The following ZNF682 variants were observed in gnomAD, a reference collection of about 807,000 sequenced individuals.
ZNF682 encodes the protein zinc finger protein 682.
A neutral mutation model predicts 36.5 loss-of-function variants in ZNF682; 29 were observed. The observed-to-expected ratio is 0.80, with a 90% CI of 0.59 to 1.08. The LOEUF (loss-of-function observed/expected upper bound fraction) is 1.08. ZNF682 is among the 50% of genes least tolerant of loss of function. The probability of loss-of-function intolerance (pLI) is 0.00; values close to 1 mark genes in which losing one functional copy is unlikely to be tolerated. For synonymous variants in ZNF682, 180 were observed against 197.0 expected (o/e 0.91, Z 0.72); for missense variants, 561 against 579.7 (o/e 0.97, Z 0.33).
At chr19:20,014,614 CA>C (rs55756913) in intron 3 of ZNF682, among the ~76,000 whole-genome samples, 61,065 of 140,128 alleles carry the variant, frequency 0.44, 14,955 homozygotes, top group Non-Finnish European at 0.57. Context: ...TACTAGAATA[CA>C]AAAAAAAAAA....
downstream of ZNF682, among the ~76,000 whole-genome samples, chr19:20,003,840 T>C (rs548852511): frequency 2.6e-5 from 4 of 151,900 alleles, no homozygotes; most frequent in Admixed American, 1.3e-4. Context: ...ATGGGAAAAA[T>C]AGATTTGCTT....
chr19:20,038,146 T>C (rs542459972), intron 1 of ZNF682, among the ~76,000 whole-genome samples: 12 of 152,016 alleles, frequency 7.9e-5, no homozygotes, highest in Non-Finnish European at 1.3e-4. Context: ...CCCAAAAACA[T>C]TCTGATAAGG....
At chr19:20,002,455 T>G (rs528033230), downstream of ZNF682, among the ~76,000 whole-genome samples, 15 of 152,310 alleles carry the variant, frequency 9.8e-5, no homozygotes, top group Non-Finnish European at 1.9e-4. Context: ...TTTGGAAGGC[T>G]GTGGTTAGGC....
Position 20,039,455 on chromosome 19 carries a change from T to C in ZNF682, c.-110A>G. On this transcript the variant is annotated 5_prime_UTR_variant, in exon 1 of 4. Coordinates refer to ENST00000397165, the MANE Select transcript of ZNF682 (RefSeq NM_033196.3). ...CACCGGGAACTACTAGAGCAGAGGA[T>C]ACTAAGCAATGAAGATGGACCCTGA... 2 of 1,455,018 alleles carry C rather than the reference T, an allele frequency of 1.4e-6. No individual in the cohort carries two copies. Among genetic ancestry groups the C allele is most frequent in the African/African-American group, 1.4e-5 (1 of 71,966 alleles). 90.1% of individuals were successfully genotyped at this position (1,455,018 alleles called of 1,614,324 possible).
intron 1 of ZNF682, among the ~76,000 whole-genome samples, chr19:20,028,743 C>T (rs1047610851): frequency 3.9e-5 from 6 of 152,220 alleles, no homozygotes; most frequent in Non-Finnish European, 8.8e-5. Context: ...TTTCCAGAGG[C>T]AGCTCATGTC....
Position 20,022,999 on chromosome 19 carries a change from C to A in ZNF682, c.226+5G>T. On this transcript the variant is annotated splice_donor_5th_base_variant and intron_variant, in intron 3 of 3. Transcript: ENST00000397165. ...TGTGGCATGTGTTTCATTCATCCAACCTACCTGGGGGTTTGGCTATGGTCT... is the reference window on the plus strand; with the variant it reads ...TGTGGCATGTGTTTCATTCATCCAAACTACCTGGGGGTTTGGCTATGGTCT... 6.2e-7 allele frequency: 1 copy of A among 1,612,398 alleles called. No individual in the cohort carries two copies.
intron 3 of ZNF682, chr19:19,997,314 C>G (rs886183527): frequency 7.5e-6 from 3 of 398,502 alleles, no homozygotes; most frequent in Non-Finnish European, 1.3e-5. Context: ...TAGACAATGG[C>G]TACAGCAAAG....
Position 20,007,257 on chromosome 19 carries a change from G to T in ZNF682, c.245C>A (p.Thr82Asn). Residue 82 changes from threonine to asparagine, a missense_variant, in exon 4 of 4, where the codon ACT (threonine) becomes AAT (asparagine). Transcript: ENST00000397165. ...GCACTGTTCTGGCAAAAGGTCTTCA[G>T]TGTAATGAGAAGACATAGCTGAAAT... ...AKPPAMSSHY[T>N]EDLLPEQCMQ... is the part of the protein sequence containing the mutation. 1 of 1,607,810 alleles carries T rather than the reference G, an allele frequency of 6.2e-7. No individual in the cohort carries two copies. The highest frequency in any genetic ancestry group is 8.5e-7 in the Non-Finnish European group (1 of 1,177,796).
downstream of ZNF682, among the ~76,000 whole-genome samples, chr19:20,002,465 C>G (rs1190895616): frequency 6.6e-6 from 1 of 152,170 alleles, no homozygotes; most frequent in Non-Finnish European, 1.5e-5. Context: ...TGTGGTTAGG[C>G]TCCATTCACT....
chr19:20,003,053 T>C (rs1445822502), downstream of ZNF682, among the ~76,000 whole-genome samples: 3 of 150,678 alleles, frequency 2.0e-5, no homozygotes, highest in East Asian at 2.0e-4. Flanking sequence ...GAGCCGGGCG[T>C]GGTGGTGGGC....
At chr19:20,033,201 A>T (rs1017717365) in intron 1 of ZNF682, among the ~76,000 whole-genome samples, 3 of 150,634 alleles carry the variant, frequency 2.0e-5, no homozygotes, top group Non-Finnish European at 4.4e-5. Context: ...TGAACCTGGG[A>T]GGTGGAGGTT....
intron 1 of ZNF682, among the ~76,000 whole-genome samples, chr19:20,034,685 A>C (rs2088511502): frequency 6.6e-6 from 1 of 151,936 alleles, no homozygotes; most frequent in African/African-American, 2.4e-5. Context: ...AGGCAGGAGA[A>C]TCACTTGAAC....
At chr19:20,026,025 A>G (rs2122369804) in intron 1 of ZNF682, among the ~76,000 whole-genome samples, 1 of 152,252 alleles carries the variant, frequency 6.6e-6, no homozygotes, top group African/African-American at 2.4e-5. Flanking sequence ...GTTTCTGGCC[A>G]GGTGCTGTGG....
rs1002512013 is a variant in ZNF682, at chr19:20,006,125, G to A, written c.1377C>T (p.Gly459=). ...AVKRYKCEEC[G]KAFKRCSHLN... ...GATGTGAGCACCGTTTAAAAGCTTT[G>A]CCACATTCTTCACATTTATAGCGTT... Residue 459 remains glycine, a synonymous_variant, in exon 4 of 4, where the codon GGC becomes GGT. Transcript: ENST00000397165. The A allele has an allele frequency of 1.6e-5, 26 of 1,613,390 alleles. No individual in the cohort carries two copies. Among genetic ancestry groups the A allele is most frequent in the Non-Finnish European group, 2.0e-5 (24 of 1,179,596 alleles).
At chr19:20,021,213 G>A (rs2088380813) in intron 3 of ZNF682, among the ~76,000 whole-genome samples, 1 of 152,244 alleles carries the variant, frequency 6.6e-6, no homozygotes, top group African/African-American at 2.4e-5. Context: ...CAGGACATGA[G>A]TTGGACAAAC....
chr19:20,025,202 C>T (rs2088420382), intron 1 of ZNF682, among the ~76,000 whole-genome samples: 1 of 152,114 alleles, frequency 6.6e-6, no homozygotes, highest in African/African-American at 2.4e-5. Flanking sequence ...CCTTCATTTT[C>T]CAAAGCAAGC....
intron 1 of ZNF682, among the ~76,000 whole-genome samples, chr19:20,027,755 A>T (rs1275135683): frequency 6.9e-6 from 1 of 144,354 alleles, no homozygotes; most frequent in Non-Finnish European, 1.5e-5. Flanking sequence ...GCGAAACTCC[A>T]TCTAAAAAAA....
downstream of ZNF682, among the ~76,000 whole-genome samples, chr19:19,995,485 C>T (rs1018239286): frequency 6.6e-6 from 1 of 152,124 alleles, no homozygotes; most frequent in African/African-American, 2.4e-5. Context: ...AAAAGGTCAA[C>T]TTGTTTTTGT....
At chr19:20,022,331 A>C (rs1205722448) in intron 3 of ZNF682, among the ~76,000 whole-genome samples, 5 of 118,732 alleles carry the variant, frequency 4.2e-5, no homozygotes, top group Non-Finnish European at 8.8e-5. Context: ...TACAAACAAA[A>C]ACAAAACCCA....
Sources: gnomAD v4.1 joint callset for allele counts (sites outside exome capture counted in the v4.1 genomes callset) on GRCh38, gnomAD v4.1.1 for gene constraint, MANE v1.5 for transcripts, NCBI Gene and HGNC (gene_info 2026-07-23, HGNC 2026-07-21) for gene names.